The following DUOX2 variants were observed in gnomAD, a reference collection of about 807,000 sequenced individuals.
The protein encoded by DUOX2 is NADH/NADPH thyroid oxidase p138-tox.
A neutral mutation model predicts 183.3 loss-of-function variants in DUOX2; 185 were observed. The ratio of observed to expected loss-of-function variants is 1.01; its 90% CI spans 0.90 to 1.14. The LOEUF is 1.14. DUOX2 is among the 50% of genes most tolerant of loss of function. The pLI is 0.00. For synonymous variants in DUOX2, 788 were observed against 812.4 expected, an observed-to-expected ratio of 0.97 and a Z score of 0.51; for missense variants, 1,999 against 2,022.9, an observed-to-expected ratio of 0.99 and a Z score of 0.23.
intron 7 of DUOX2, among the ~76,000 whole-genome samples, 153 bp from the exon 8 acceptor site, chr15:45,110,863 C>A (rs1276986429): frequency 1.3e-5 from 2 of 151,768 alleles, no homozygotes; most frequent in East Asian, 3.9e-4. Context: ...GAGGCCTGTC[C>A]CCACAAGGAA....
chr15:45,103,350 C>G (rs1229470497), intron 20 of DUOX2, among the ~76,000 whole-genome samples: 2 of 152,180 alleles, frequency 1.3e-5, no homozygotes, highest in Non-Finnish European at 2.9e-5. Flanking sequence ...TGTAGAGAAG[C>G]TGGATTCAAC....
chr15:45,111,118 G>A lies in DUOX2; in HGVS notation c.875C>T (p.Thr292Ile). 2 of 1,236,428 alleles carry A rather than the reference G, an allele frequency of 1.6e-6. No individual in the cohort carries two copies. Among genetic ancestry groups the A allele is most frequent in the Non-Finnish European group, 2.2e-6 (2 of 903,026 alleles). The allele number at this position is 1,236,428 out of a possible 1,614,324, so 76.6% of individuals were successfully genotyped here. A position where few individuals can be genotyped will look rare whatever the true frequency, so the allele number is the denominator to read the frequency against. ...GGGGCGCGGACGGCTGACCTGGTAGGTGGCGATGACCCTCTTGCGTGCGTG... is the reference window on the plus strand; with the variant it reads ...GGGGCGCGGACGGCTGACCTGGTAGATGGCGATGACCCTCTTGCGTGCGTG... ...FQHARKRVIA[T>I]YQNIAVYEWL... Residue 292 changes from threonine to isoleucine, a missense_variant, in exon 7 of 34, where the codon ACC (threonine) becomes ATC (isoleucine). By Grantham distance (89) the Thr-to-Ile change is moderately conservative. Transcript: ENST00000389039.
In DUOX2 at chr15:45,096,272, C is replaced by G. The variant is rs543221289; in HGVS notation, c.3848-212G>C. On this transcript the variant is annotated intron_variant, in intron 29 of 33. Transcript: ENST00000389039. ...GGGTTTCTCTGCTCCCCTGTTCCAG[C>G]CCCTCTCCTCCTCTCTACTCCCTCT... Among the ~76,000 whole-genome samples the G allele has an allele frequency of 3.9e-5, 6 of 152,186 alleles. No individual in the cohort carries two copies. In the East Asian group the frequency reaches 1.2e-3, roughly 29 times the overall value.
chr15:45,108,025 T>C, intron 13 of DUOX2, 22 bp downstream of exon 13: 1 of 1,613,562 alleles, frequency 6.2e-7, no homozygotes, highest in African/African-American at 1.3e-5. Flanking sequence ...CAGTCTGAGG[T>C]GGGGGCCCAG....
intron 9 of DUOX2, 149 bp downstream of exon 9, chr15:45,110,279 T>C (rs978458923): frequency 1.3e-6 from 1 of 754,116 alleles, no homozygotes; most frequent in Non-Finnish European, 2.2e-6. Context: ...CCTACACATC[T>C]TACCCCAGGG....
Position 45,100,788 on chromosome 15 carries a change from C to T in DUOX2, c.2972G>A (p.Gly991Glu). 2 of 1,614,072 alleles carry T rather than the reference C, an allele frequency of 1.2e-6. No homozygotes were observed. The highest frequency in any genetic ancestry group is 1.7e-6 in the Non-Finnish European group (2 of 1,179,980). The change falls in exon 23 of 34, where the codon GGA (glycine) becomes GAA (glutamate). Residue 991 changes from glycine (G) to glutamate (E), a missense_variant. Physicochemically the swap from Gly to Glu is moderately conservative, Grantham distance 98 (BLOSUM62 -2). Transcript: ENST00000389039. Reference sequence around the variant, plus strand: ...AAACCTCTTCTTCAGTCCAGGGCCTCCCAGCTCTGGGGCTTCTGGGGCAGG... The same window carrying T: ...AAACCTCTTCTTCAGTCCAGGGCCTTCCAGCTCTGGGGCTTCTGGGGCAGG... ...GPPAPEAPEL[G>E]GPGLKKRFGK...
At chr15:45,109,776 A>G (rs1894328247) in intron 10 of DUOX2, 114 bp downstream of exon 10, 1 of 1,315,246 alleles carries the variant, frequency 7.6e-7, no homozygotes, top group African/African-American at 1.5e-5. Context: ...TCTACCCTTC[A>G]TCTCCCATGA....
At chr15:45,107,677 C>G (rs1172687648) in intron 13 of DUOX2, among the ~76,000 whole-genome samples, 1 of 151,750 alleles carries the variant, frequency 6.6e-6, no homozygotes, top group Non-Finnish European at 1.5e-5. Flanking sequence ...AACCCCATCT[C>G]TACTAAAAAT....
At position 45,110,641 on chromosome 15, in the gene DUOX2, C is replaced by T. The variant is rs758740889; in HGVS notation, c.943+9G>A. 1.9e-6 allele frequency: 3 copies of T among 1,613,282 alleles called. No homozygotes were observed. In the South Asian group the frequency reaches 3.3e-5, roughly 18 times the overall value. ...TCCGCACAGGTGTCCTCCTTCCCCG[C>T]TCCCTCACCTGTATACTCCGGGAGT... On this transcript the variant is annotated intron_variant, in intron 8 of 33. Coordinates refer to ENST00000389039, the MANE Select transcript of DUOX2 (RefSeq NM_001363711.2).
intron 3 of DUOX2, 98 bp from the exon 4 acceptor site, chr15:45,112,816 T>C: frequency 6.3e-7 from 1 of 1,579,378 alleles, no homozygotes; most frequent in East Asian, 2.2e-5. Flanking sequence ...CCCACTTCAC[T>C]GACAGAACCT....
At position 45,097,468 on chromosome 15, in the gene DUOX2, G is replaced by C. The variant is rs1893936003; in HGVS notation, c.3694-77C>G. On this transcript the variant is annotated intron_variant, in intron 28 of 33. Coordinates refer to ENST00000389039, the MANE Select transcript of DUOX2 (RefSeq NM_001363711.2). ...GCATCCCCTCTTGCCCAGGCACTAG[G>C]CCTGTGCCGGGGAGATAGGGCTGAG... 6.8e-6 allele frequency: 11 copies of C among 1,612,860 alleles called. 1 individual carries two copies. Among genetic ancestry groups the C allele is most frequent in the South Asian group, 1.1e-5 (1 of 91,040 alleles).
At chr15:45,100,971 T>C in intron 22 of DUOX2, 133 bp from the exon 23 acceptor site, 1 of 695,186 alleles carries the variant, frequency 1.4e-6, no homozygotes, top group Non-Finnish European at 2.6e-6. Flanking sequence ...AATGAATTAA[T>C]AGGATCTCAT....
rs1480120572 is a variant in DUOX2 at position 45,099,442 on chromosome 15, G to A, written c.3456C>T (p.Phe1152=). 13 of 1,614,140 alleles carry A rather than the reference G, an allele frequency of 8.1e-6. No homozygotes were observed. Among genetic ancestry groups the A allele is most frequent in the Non-Finnish European group, 1.1e-5 (13 of 1,180,042 alleles). The change falls in exon 26 of 34, where the codon TTC becomes TTT. Residue 1152 remains phenylalanine, a synonymous_variant. Transcript: ENST00000389039. ...CCAGCAGGCTGAGTGGGCTGACTGA[G>A]AAGATGTAGACATTGACTGCGTGGC... ...SAGHAVNVYI[F]SVSPLSLLAC...
At chr15:45,109,115 A>G in intron 11 of DUOX2, 163 bp from the exon 12 acceptor site, 1 of 907,688 alleles carries the variant, frequency 1.1e-6, no homozygotes, top group Non-Finnish European at 1.7e-6. Flanking sequence ...CTGCAAGGCC[A>G]ATGTCACCAT....
At position 45,113,894 on chromosome 15, in the gene DUOX2, C is replaced by T. The variant is rs751733298; in HGVS notation, c.-15+79G>A. 9.3e-5 allele frequency: 19 copies of T among 205,082 alleles called. No individual in the cohort carries two copies. In the East Asian group the frequency reaches 1.0e-3, roughly 11 times the overall value. 12.7% of individuals were successfully genotyped at this position (205,082 alleles called of 1,614,324 possible). A position where few individuals can be genotyped will look rare whatever the true frequency, so the allele number is the denominator to read the frequency against. On this transcript the variant is annotated intron_variant, in intron 1 of 33. Transcript: ENST00000389039. ...CCTTCCACAATGAATCCCCCCTTCC[C>T]CAATAAACTCCCCTTCTGCAATGAA...
At chr15:45,108,333 G>A (rs1302910883) in intron 12 of DUOX2, 111 bp from the exon 13 acceptor site, 1 of 1,321,634 alleles carries the variant, frequency 7.6e-7, no homozygotes. Flanking sequence ...TGCTGCTCAG[G>A]CCTGATTTCC....
chr15:45,113,264 C>T (rs1476819218), intron 2 of DUOX2, 78 bp downstream of exon 2: 1 of 1,510,966 alleles, frequency 6.6e-7, no homozygotes, highest in East Asian at 2.5e-5. Flanking sequence ...CTCAGGGAGC[C>T]GCTTGCCGCA....
chr15:45,107,816 A>T (rs142530819), intron 13 of DUOX2, among the ~76,000 whole-genome samples: 2 of 135,276 alleles, frequency 1.5e-5, no homozygotes, highest in African/African-American at 5.6e-5. Flanking sequence ...ACGCCACTGC[A>T]CTCCAGCCTG....
chr15:45,100,512 G>A (rs1160089101), intron 23 of DUOX2: 4 of 609,856 alleles, frequency 6.6e-6, no homozygotes, highest in African/African-American at 5.6e-5. Context: ...CCCAAAGCAG[G>A]CAGGAGCCAG....
Sources: allele counts gnomAD v4.1 joint callset (sites outside exome capture counted in the v4.1 genomes callset), GRCh38; gene constraint gnomAD v4.1.1; transcripts MANE v1.5; gene names NCBI Gene and HGNC (gene_info 2026-07-23, HGNC 2026-07-21).